ERLIN1: variants seen among roughly 807,000 people sequenced by gnomAD.
ERLIN1 encodes erlin-1.
Under a neutral mutation model 46.9 loss-of-function variants are expected in ERLIN1, and 24 were observed. That is an observed-to-expected ratio of 0.51 (90% confidence interval 0.37 to 0.72). The LOEUF (loss-of-function observed/expected upper bound fraction) is 0.72. Among genes scored for constraint, ERLIN1 ranks in the 30% least tolerant of loss-of-function variants. ERLIN1 has a pLI of 0.00. For synonymous variants in ERLIN1, 158 were observed against 143.2 expected (o/e 1.10, Z -0.74); for missense variants, 293 against 417.9 (o/e 0.70, Z 2.61).
At chr10:100,156,285 C>G (rs1843078338) in intron 8 of ERLIN1, 51 bp from the exon 9 acceptor site, 1 of 1,179,298 alleles carries the variant, frequency 8.5e-7, no homozygotes, top group African/African-American at 1.5e-5. Context: ...TCTACAGTAC[C>G]TGAGGCACTT....
At chr10:100,175,537 T>C (rs754371083) in intron 5 of ERLIN1, among the ~76,000 whole-genome samples, 4 of 152,170 alleles carry the variant, frequency 2.6e-5, no homozygotes, top group African/African-American at 4.8e-5. Flanking sequence ...TGGTGTGCCT[T>C]TGCCTCTCGC....
intron 1 of ERLIN1, among the ~76,000 whole-genome samples, chr10:100,184,228 C>G (rs1013814157): frequency 6.6e-6 from 1 of 151,692 alleles, no homozygotes; most frequent in Non-Finnish European, 1.5e-5. Context: ...CATTTAATCA[C>G]CAGGTTGAAA....
At chr10:100,168,303 T>G (rs1207292697) in intron 6 of ERLIN1, among the ~76,000 whole-genome samples, 1 of 152,232 alleles carries the variant, frequency 6.6e-6, no homozygotes, top group Non-Finnish European at 1.5e-5. Context: ...TTTAAAGGCT[T>G]TTAAAACTTT....
rs78735163 is a variant in ERLIN1, at chr10:100,162,133, G to A, written c.655+1871C>T. 2.3e-3 allele frequency among the ~76,000 whole-genome samples: 346 copies of A among 152,148 alleles called. 1 individual carries two copies. Among genetic ancestry groups the A allele is most frequent in the African/African-American group, 7.6e-3 (316 of 41,540 alleles). ...GACAAGCCACAAATTGAAAGATGTT[G>A]GAAATGCATAAATCTGAAAAAGGAT... On this transcript the variant is annotated intron_variant, in intron 8 of 10. Coordinates refer to ENST00000421367, the MANE Select transcript of ERLIN1 (RefSeq NM_006459.4).
chr10:100,161,084 G>A (rs1375461257), intron 8 of ERLIN1, among the ~76,000 whole-genome samples: 1 of 152,174 alleles, frequency 6.6e-6, no homozygotes, highest in Non-Finnish European at 1.5e-5. Context: ...AAGAATACTT[G>A]TCACTTTCTT....
intron 2 of ERLIN1, among the ~76,000 whole-genome samples, chr10:100,183,535 C>T (rs984529074): frequency 6.6e-6 from 1 of 152,208 alleles, no homozygotes; most frequent in African/African-American, 2.4e-5. Flanking sequence ...GTCAGTCCTT[C>T]CAAGCTTCCT....
At chr10:100,181,955 G>C (rs1844676404) in intron 2 of ERLIN1, among the ~76,000 whole-genome samples, 1 of 152,076 alleles carries the variant, frequency 6.6e-6, no homozygotes, top group African/African-American at 2.4e-5. Flanking sequence ...AAGTATTTTA[G>C]TTTACACTGA....
At chr10:100,163,621 G>C (rs2134126242) in intron 8 of ERLIN1, among the ~76,000 whole-genome samples, 1 of 152,188 alleles carries the variant, frequency 6.6e-6, no homozygotes, top group Non-Finnish European at 1.5e-5. Flanking sequence ...TACCTATCCA[G>C]GTAAAACTAA....
chr10:100,185,532 T>G lies in ERLIN1; in HGVS notation c.95A>C (p.His32Pro). 1 of 1,613,526 alleles carries G rather than the reference T, an allele frequency of 6.2e-7. No homozygotes were observed. Among genetic ancestry groups the G allele is most frequent in the Non-Finnish European group, 8.5e-7 (1 of 1,179,420 alleles). The change falls in exon 1 of 11, where the codon CAT becomes CCT. Residue 32 changes from histidine to proline, a missense_variant. By Grantham distance (77) the His-to-Pro change is moderately conservative. Around this residue, in one of 3 missense-constraint regions of ERLIN1, gnomAD observed 76 missense variants for 77.0 expected, o/e 0.99. Transcript: ENST00000421367. ...CGCTCACCTGTAGTACACAGCCAGA[T>G]GGCCCTCCTCAATCTTGTGGATGGA... ...YASIHKIEEG[H>P]LAVYYRGGAL...
At chr10:100,173,452 A>G (rs893005036) in intron 6 of ERLIN1, among the ~76,000 whole-genome samples, 55 of 152,148 alleles carry the variant, frequency 3.6e-4, no homozygotes, top group African/African-American at 1.3e-3. Context: ...AACTTATTAC[A>G]TACCATTTCT....
Position 100,185,829 on chromosome 10 carries a change from A to T in ERLIN1, c.-203T>A. ...GCCAACTCCTCCGCCCCCGGAGGCC[A>T]GTGGGCCGCCCCTGCTCGGTGAGCT... On this transcript the variant is annotated 5_prime_UTR_variant, in exon 1 of 11. Coordinates refer to ENST00000421367, the MANE Select transcript of ERLIN1 (RefSeq NM_006459.4). 4 of 589,588 alleles carry T rather than the reference A, an allele frequency of 6.8e-6. No homozygotes were observed. The highest frequency in any genetic ancestry group is 1.2e-5 in the Non-Finnish European group (4 of 330,260). The allele number at this position is 589,588 out of a possible 1,614,324, so 36.5% of individuals were successfully genotyped here. A position where few individuals can be genotyped will look rare whatever the true frequency, so the allele number is the denominator to read the frequency against.
At chr10:100,178,784 G>A (rs1371571444) in intron 3 of ERLIN1, among the ~76,000 whole-genome samples, 1 of 152,158 alleles carries the variant, frequency 6.6e-6, no homozygotes, top group Non-Finnish European at 1.5e-5. Context: ...AGATTTTACT[G>A]CCTTTATAAA....
At chr10:100,163,934 A>AAAT (rs915409222) in intron 8 of ERLIN1, 70 bp downstream of exon 8, 1 of 1,036,756 alleles carries the variant, frequency 9.6e-7, no homozygotes, top group Non-Finnish European at 1.5e-6. Flanking sequence ...ATGATACCCA[A>AAAT]AATGAGACTG....
intron 4 of ERLIN1, among the ~76,000 whole-genome samples, chr10:100,177,806 A>C (rs1333684780): frequency 3.3e-5 from 5 of 152,210 alleles, no homozygotes; most frequent in African/African-American, 7.2e-5. Flanking sequence ...TGGGCCAAGG[A>C]ATTGATCAGT....
chr10:100,160,894 C>G (rs1843334396), intron 8 of ERLIN1, among the ~76,000 whole-genome samples: 1 of 152,180 alleles, frequency 6.6e-6, no homozygotes, highest in African/African-American at 2.4e-5. Context: ...CTGCAGTGAA[C>G]TGTGATTACA....
intron 2 of ERLIN1, among the ~76,000 whole-genome samples, chr10:100,182,903 G>A (rs1171301693): frequency 6.6e-6 from 1 of 152,152 alleles, no homozygotes; most frequent in Non-Finnish European, 1.5e-5. Context: ...GTCTGATTAG[G>A]GGAAGAATAC....
chr10:100,160,648 T>C (rs1843319447), intron 8 of ERLIN1, among the ~76,000 whole-genome samples: 2 of 152,282 alleles, frequency 1.3e-5, no homozygotes, highest in South Asian at 4.1e-4. Context: ...TCTCAATATA[T>C]GTAGAAAAAA....
chr10:100,157,057 C>A (rs1843118743), intron 8 of ERLIN1, among the ~76,000 whole-genome samples: 1 of 151,974 alleles, frequency 6.6e-6, no homozygotes, highest in African/African-American at 2.4e-5. Flanking sequence ...CAAGAAGGCA[C>A]AAATGAACAA....
chr10:100,181,543 C>T (rs969005529), intron 2 of ERLIN1, among the ~76,000 whole-genome samples: 1 of 128,218 alleles, frequency 7.8e-6, no homozygotes, highest in African/African-American at 3.2e-5. Flanking sequence ...GAGACGGAGT[C>T]TTCCTCTGTT....
Sources: gnomAD v4.1 joint callset for allele counts (sites outside exome capture counted in the v4.1 genomes callset) on GRCh38, gnomAD v4.1.1 for gene constraint, gnomAD v4.1.1 regional missense constraint, MANE v1.5 for transcripts, NCBI Gene and HGNC (gene_info 2026-07-23, HGNC 2026-07-21) for gene names.